The following CYLC2 variants were observed in gnomAD, a reference collection of about 807,000 sequenced individuals.
CYLC2 encodes cylicin 2.
Under a neutral mutation model 26.1 loss-of-function variants are expected in CYLC2, and 30 were observed. The ratio of observed to expected loss-of-function variants is 1.15; its 90% CI spans 0.86 to 1.56. The LOEUF (loss-of-function observed/expected upper bound fraction) is 1.56. CYLC2 is among the 40% of genes most tolerant of loss of function. The pLI, the probability that CYLC2 is intolerant of heterozygous loss-of-function variation, is 0.00. For synonymous variants in CYLC2, 158 were observed against 132.8 expected, an observed-to-expected ratio of 1.19 and a Z score of -1.31; for missense variants, 498 against 394.4, an observed-to-expected ratio of 1.26 and a Z score of -2.23.
intron 1 of CYLC2, among the ~76,000 whole-genome samples, chr9:103,000,071 A>G (rs1829272984): frequency 6.6e-6 from 1 of 151,814 alleles, no homozygotes; most frequent in Non-Finnish European, 1.5e-5. Context: ...AACATTTTTT[A>G]TAATATAAAA....
At chr9:103,014,226 A>G (rs1230572139) in intron 6 of CYLC2, among the ~76,000 whole-genome samples, 1 of 125,470 alleles carries the variant, frequency 8.0e-6, no homozygotes, top group Non-Finnish European at 1.6e-5. Flanking sequence ...TATATAATAT[A>G]TAATATATAT....
At chr9:103,012,960 T>A (rs934139979) in intron 6 of CYLC2, among the ~76,000 whole-genome samples, 1 of 149,452 alleles carries the variant, frequency 6.7e-6, no homozygotes, top group Non-Finnish European at 1.5e-5. Flanking sequence ...TTTATAAAAA[T>A]CCATAAACTT....
intron 6 of CYLC2, among the ~76,000 whole-genome samples, chr9:103,014,537 ATATGTATATTATGCAGTATACATCATATG>A (rs199697181): frequency 2.2e-5 from 3 of 138,366 alleles, no homozygotes; most frequent in East Asian, 2.3e-4. Flanking sequence ...AATATACATC[ATATGTATATTATGCAGTATACATCATATG>A]TATATTATGC....
intron 5 of CYLC2, among the ~76,000 whole-genome samples, chr9:103,010,121 G>A (rs889288438): frequency 4.0e-5 from 6 of 151,830 alleles, no homozygotes; most frequent in South Asian, 2.1e-4. Flanking sequence ...TTATTTTCAT[G>A]AGAAATCAAT....
In CYLC2 at chr9:103,014,914, A is replaced by T. The variant is rs547198495; in HGVS notation, c.*817-1974A>T. Among the ~76,000 whole-genome samples the T allele has an allele frequency of 2.2e-5, 3 of 133,686 alleles. No homozygotes were observed. The East Asian group carries it at 6.7e-4, about 30-fold the overall frequency. The allele number at this position is 133,686 out of a possible 152,430, so 87.7% of individuals were successfully genotyped here. ...GTAATATACATAATATATGTAATATACATAATATGTATATTATGTAGTATA... is the reference window on the plus strand; with the variant it reads ...GTAATATACATAATATATGTAATATTCATAATATGTATATTATGTAGTATA... On this transcript the variant is annotated intron_variant, in intron 6 of 7. Transcript: ENST00000374798.
At chr9:103,000,165 T>C (rs187265079) in intron 1 of CYLC2, among the ~76,000 whole-genome samples, 1 of 152,022 alleles carries the variant, frequency 6.6e-6, no homozygotes, top group Non-Finnish European at 1.5e-5. Context: ...AGTTGCTTCT[T>C]TTTAAATAGG....
At chr9:103,010,974 T>C (rs1214420997) in intron 5 of CYLC2, among the ~76,000 whole-genome samples, 2 of 151,748 alleles carry the variant, frequency 1.3e-5, no homozygotes, top group African/African-American at 4.8e-5. Context: ...CAAAGAAAAA[T>C]GGAAGAATAC....
rs1182358146 is a variant in CYLC2 at position 103,006,029 on chromosome 9, C to G, written c.*351C>G. On this transcript the variant is annotated 3_prime_UTR_variant, in exon 5 of 8. Transcript: ENST00000374798. ...CACTAAATCTATGGACACACACACA[C>G]ACACACACACACACACACACACACA... The G allele has an allele frequency of 2.6e-5, 2 of 75,766 alleles. No homozygotes were observed. Among genetic ancestry groups the G allele is most frequent in the African/African-American group, 5.8e-5 (1 of 17,360 alleles). The allele number at this position is 75,766 out of a possible 1,614,324, so 4.7% of individuals were successfully genotyped here.
Position 103,014,910 on chromosome 9 carries a change from A to T in CYLC2, c.*817-1978A>T, listed in dbSNP as rs1485144987. Among the ~76,000 whole-genome samples the T allele has an allele frequency of 2.2e-5, 3 of 139,446 alleles. No individual in the cohort carries two copies. The South Asian group carries it at 7.1e-4, about 33-fold the overall frequency. The allele number at this position is 139,446 out of a possible 152,430, so 91.5% of individuals were successfully genotyped here. On this transcript the variant is annotated intron_variant, in intron 6 of 7. Coordinates refer to ENST00000374798, the MANE Select transcript of CYLC2 (RefSeq NM_001340.5). ...TTATGTAATATACATAATATATGTA[A>T]TATACATAATATGTATATTATGTAG...
intron 2 of CYLC2, among the ~76,000 whole-genome samples, 177 bp from the exon 3 acceptor site, chr9:103,002,965 T>C (rs926927322): frequency 1.3e-5 from 2 of 152,142 alleles, no homozygotes; most frequent in African/African-American, 4.8e-5. Context: ...AATAGAAAAA[T>C]CAATTTTTAT....
chr9:102,996,375 TATC>T (rs1829237414), intron 1 of CYLC2, among the ~76,000 whole-genome samples: 1 of 151,898 alleles, frequency 6.6e-6, no homozygotes, highest in South Asian at 2.1e-4. Context: ...GTATTATTGT[TATC>T]ATGAGCATCA....
intron 6 of CYLC2, among the ~76,000 whole-genome samples, chr9:103,015,172 T>C (rs1289658661): frequency 7.6e-5 from 2 of 26,186 alleles, no homozygotes; most frequent in African/African-American, 2.8e-4. Flanking sequence ...AACATGTATA[T>C]CACGTGATAT....
At position 103,005,293 on chromosome 9, in the gene CYLC2, A is replaced by T. The variant is rs1228988438; in HGVS notation, c.662A>T (p.Lys221Ile). The T allele has an allele frequency of 6.2e-7, 1 of 1,613,694 alleles. No individual in the cohort carries two copies. The highest frequency in any genetic ancestry group is 1.3e-5 in the African/African-American group (1 of 74,912). Residue 221 changes from lysine to isoleucine, a missense_variant, in exon 5 of 8, where the codon AAA (lysine) becomes ATA (isoleucine). Lys to Ile is a moderately radical substitution (Grantham distance 102, BLOSUM62 -3). Coordinates refer to ENST00000374798, the MANE Select transcript of CYLC2 (RefSeq NM_001340.5). ...GGTEKDSKKG[K>I]KDSKKGKDSA... Reference sequence around the variant, plus strand: ...ACAGAGAAAGATAGCAAAAAAGGTAAAAAGGATTCAAAGAAGGGCAAGGAT... The same window carrying T: ...ACAGAGAAAGATAGCAAAAAAGGTATAAAGGATTCAAAGAAGGGCAAGGAT...
chr9:103,005,107 AAGAT>A lies in CYLC2; in HGVS notation c.479_482del (p.Asp160AlafsTer72). ...AAAGAAGAAAAGCTAGATGCAAAGAAAGATAGCAAAAAAGGTAAAAAGGATGCAG... is the reference window on the plus strand; with the variant it reads ...AAAGAAGAAAAGCTAGATGCAAAGAAAGCAAAAAAGGTAAAAAGGATGCAG... On this transcript the variant is annotated frameshift_variant, in exon 5 of 8. Transcript: ENST00000374798. LOFTEE classifies it high-confidence loss of function. 2 of 1,607,038 alleles carry A rather than the reference AAGAT, an allele frequency of 1.2e-6. No individual in the cohort carries two copies. The highest frequency in any genetic ancestry group is 2.2e-5 in the South Asian group (2 of 90,398).
chr9:102,999,697 A>C (rs1293322814), intron 1 of CYLC2, among the ~76,000 whole-genome samples: 1 of 151,548 alleles, frequency 6.6e-6, no homozygotes, highest in African/African-American at 2.4e-5. Flanking sequence ...CTTTCTTTCA[A>C]AAATTATTCT....
In CYLC2 at chr9:103,005,619, G is replaced by GATGCAAAGAAGA. The variant is rs774539013; in HGVS notation, c.1000_1011dup (p.Asn334_Lys337dup). On this transcript the variant is annotated inframe_insertion, in exon 5 of 8. Transcript: ENST00000374798. Reference sequence around the variant, plus strand: ...AAATGCTAAGAAGGATGCAAAGAAGGATGCAAAGAAGAATGCAAAGAAGGA... The same window carrying GATGCAAAGAAGA: ...AAATGCTAAGAAGGATGCAAAGAAGGATGCAAAGAAGAATGCAAAGAAGAATGCAAAGAAGGA... The GATGCAAAGAAGA allele has an allele frequency of 2.5e-6, 4 of 1,610,850 alleles. No homozygotes were observed. The African/African-American group carries it at 4.1e-5, about 17-fold the overall frequency.
intron 6 of CYLC2, among the ~76,000 whole-genome samples, chr9:103,014,044 T>C (rs866999755): frequency 8.5e-6 from 1 of 118,102 alleles, no homozygotes; most frequent in African/African-American, 3.4e-5. Flanking sequence ...ATATACATAC[T>C]TTATATATCT....
At chr9:103,001,858 G>A (rs910046192) in intron 2 of CYLC2, among the ~76,000 whole-genome samples, 1 of 152,144 alleles carries the variant, frequency 6.6e-6, no homozygotes, top group Non-Finnish European at 1.5e-5. Context: ...ATAGTTACAT[G>A]TTAGAAGTCA....
At chr9:103,013,375 A>C (rs1300227716) in intron 6 of CYLC2, among the ~76,000 whole-genome samples, 1 of 108,648 alleles carries the variant, frequency 9.2e-6, no homozygotes, top group South Asian at 2.7e-4. Flanking sequence ...TATATTTAAT[A>C]TATTATATAA....
Sources: gnomAD v4.1 joint callset for allele counts (sites outside exome capture counted in the v4.1 genomes callset) on GRCh38, gnomAD v4.1.1 for gene constraint, MANE v1.5 for transcripts, NCBI Gene and HGNC (gene_info 2026-07-23, HGNC 2026-07-21) for gene names.